Variants in DCLRE1A observed in about 807,000 individuals in gnomAD.
DCLRE1A encodes DNA cross-link repair 1A.
In DCLRE1A, 64 loss-of-function variants were observed where a neutral mutation model predicts 91.9. The ratio of observed to expected loss-of-function variants is 0.70; its 90% CI spans 0.57 to 0.86. The LOEUF (loss-of-function observed/expected upper bound fraction) is 0.86, where lower values mean the gene tolerates loss of function less well. Ranked by LOEUF, DCLRE1A falls within the 40% of genes least tolerant of loss-of-function variation. The pLI is 0.00. For missense variants in DCLRE1A, 1,145 were observed against 1,213.3 expected (o/e 0.94, Z 0.84); for synonymous variants, 416 against 431.1 (o/e 0.96, Z 0.43).
chr10:113,836,870 T>C (rs924859530), intron 8 of DCLRE1A, among the ~76,000 whole-genome samples, 192 bp downstream of exon 8: 5 of 152,122 alleles, frequency 3.3e-5, no homozygotes, highest in Non-Finnish European at 7.3e-5. Context: ...TTAATGTCTA[T>C]CTACTAGTCA....
chr10:113,845,869 T>C, intron 3 of DCLRE1A, 66 bp from the exon 4 acceptor site: 1 of 1,267,620 alleles, frequency 7.9e-7, no homozygotes, highest in Non-Finnish European at 1.2e-6. Context: ...CATATCTAGT[T>C]TAGAACCATA....
At chr10:113,840,810 G>A (rs1845434308) in intron 7 of DCLRE1A, among the ~76,000 whole-genome samples, 1 of 152,124 alleles carries the variant, frequency 6.6e-6, no homozygotes, top group African/African-American at 2.4e-5. Context: ...ATTGCCAGGT[G>A]TCAAAATGTT....
In DCLRE1A at chr10:113,845,632, T is replaced by C. The variant is rs1564843510; in HGVS notation, c.2378+53A>G. On this transcript the variant is annotated intron_variant, in intron 4 of 8. Transcript: ENST00000361384. ...AAAAGTTATTAATCATGCCAATGTG[T>C]TGTCCTTTTGAACATTTAAAAAATG... The C allele has an allele frequency of 7.6e-5, 102 of 1,338,306 alleles. 2 individuals are homozygous for C. In the South Asian group the frequency reaches 1.2e-3, roughly 15 times the overall value. The allele number at this position is 1,338,306 out of a possible 1,614,324, so 82.9% of individuals were successfully genotyped here. A position where few individuals can be genotyped will look rare whatever the true frequency, so the allele number is the denominator to read the frequency against.
rs374101554 is a variant in DCLRE1A at position 113,852,036 on chromosome 10, CATA to C, written c.460+684_460+686del. On this transcript the variant is annotated intron_variant, in intron 1 of 8. Coordinates refer to ENST00000361384, the MANE Select transcript of DCLRE1A (RefSeq NM_014881.5). ...CTATTTATAATTTTCTATGGAGTTC[CATA>C]ATAACCACCAACTGGGGCCGGGCGC... is the stretch of plus-strand genomic sequence containing the variant. 2.4e-3 allele frequency among the ~76,000 whole-genome samples: 365 copies of C among 152,244 alleles called. 2 individuals are homozygous for C. Among genetic ancestry groups the C allele is most frequent in the African/African-American group, 8.4e-3 (350 of 41,576 alleles).
At chr10:113,854,322 T>C (rs1845712377), upstream of DCLRE1A, 1 of 152,260 alleles carries the variant, frequency 6.6e-6, no homozygotes, top group African/African-American at 2.4e-5. Context: ...TTACAAAGCC[T>C]TCTCTCTGGA....
At chr10:113,847,384 C>T in intron 2 of DCLRE1A, 49 bp from the exon 3 acceptor site, 1 of 1,597,320 alleles carries the variant, frequency 6.3e-7, no homozygotes, top group Non-Finnish European at 8.5e-7. Context: ...CTAAGATACC[C>T]AATTTGATTA....
rs768714031 is a variant in DCLRE1A at position 113,850,400 on chromosome 10, A to T, written c.705T>A (p.Phe235Leu). ...CTTCAGTCAGAGACGGAGACTTTTTAAAATACTGTGTCATCAATAAGGGAT... is the reference window on the plus strand; with the variant it reads ...CTTCAGTCAGAGACGGAGACTTTTTTAAATACTGTGTCATCAATAAGGGAT... ...SNDPLLMTQY[F>L]KKSPSLTEAS... Residue 235 changes from phenylalanine to leucine, a missense_variant, in exon 2 of 9, where the codon TTT becomes TTA. Coordinates refer to ENST00000361384, the MANE Select transcript of DCLRE1A (RefSeq NM_014881.5). 1.3e-5 allele frequency: 21 copies of T among 1,614,130 alleles called. No individual in the cohort carries two copies. Among genetic ancestry groups the T allele is most frequent in the African/African-American group, 4.0e-5 (3 of 74,944 alleles).
intron 4 of DCLRE1A, among the ~76,000 whole-genome samples, chr10:113,845,347 A>T (rs2134659806): frequency 6.6e-6 from 1 of 152,332 alleles, no homozygotes; most frequent in East Asian, 1.9e-4. Context: ...AATTTATGTA[A>T]ATGATAAATG....
Position 113,844,123 on chromosome 10 carries a change from T to C in DCLRE1A, c.2500A>G (p.Met834Val). Reference protein sequence around the residue: ...RSLLADQKVHMLYLDTTYCSP... With the variant: ...RSLLADQKVHVLYLDTTYCSP... ...TCTTACGTGGTATCTAAGTACAGCA[T>C]ATGGACTTTCTGGTCCGCAAGAAGA... Residue 834 changes from methionine (M) to valine (V), a missense_variant, in exon 5 of 9, where the codon ATG becomes GTG. Physicochemically the swap from Met to Val is conservative, Grantham distance 21. Transcript: ENST00000361384. The C allele has an allele frequency of 1.2e-6, 2 of 1,614,168 alleles. No homozygotes were observed. Among genetic ancestry groups the C allele is most frequent in the South Asian group, 1.1e-5 (1 of 91,084 alleles).
In DCLRE1A at chr10:113,849,144, T is replaced by C; in HGVS notation, c.1961A>G (p.Asp654Gly). ...LQEGACQKRS[D>G]HLINTESEAV... ...TTCAGATTCTGTATTAATAAGGTGA[T>C]CTGATCTCTTCTGACACGCTCCTTC... The change falls in exon 2 of 9, where the codon GAT becomes GGT. Residue 654 changes from aspartate to glycine, a missense_variant. Coordinates refer to ENST00000361384, the MANE Select transcript of DCLRE1A (RefSeq NM_014881.5). 1 of 1,614,138 alleles carries C rather than the reference T, an allele frequency of 6.2e-7. No individual in the cohort carries two copies. Among genetic ancestry groups the C allele is most frequent in the Non-Finnish European group, 8.5e-7 (1 of 1,180,014 alleles).
intron 3 of DCLRE1A, among the ~76,000 whole-genome samples, chr10:113,846,701 T>A (rs929507305): frequency 9.9e-5 from 15 of 152,246 alleles, no homozygotes; most frequent in African/African-American, 3.6e-4. Flanking sequence ...AGTATTTGCA[T>A]ATAACCTATG....
chr10:113,842,327 T>A lies in DCLRE1A; in HGVS notation c.2665+16A>T. The A allele has an allele frequency of 6.2e-7, 1 of 1,600,338 alleles. No homozygotes were observed. Among genetic ancestry groups the A allele is most frequent in the South Asian group, 1.1e-5 (1 of 88,598 alleles). On this transcript the variant is annotated intron_variant, in intron 6 of 8. Transcript: ENST00000361384. ...TTATAATATATTAATGTAAATTAGA[T>A]ACACCTACAACTCACCTAGGAAGAC...
intron 8 of DCLRE1A, among the ~76,000 whole-genome samples, chr10:113,835,616 G>A (rs978648592): frequency 6.6e-6 from 1 of 152,108 alleles, no homozygotes; most frequent in African/African-American, 2.4e-5. Flanking sequence ...CATGGGGGCA[G>A]ATCTGCCCCT....
intron 5 of DCLRE1A, 94 bp from the exon 6 acceptor site, chr10:113,842,582 T>G (rs1845463404): frequency 8.3e-7 from 1 of 1,201,614 alleles, no homozygotes; most frequent in Non-Finnish European, 1.2e-6. Flanking sequence ...GTTAGCAACT[T>G]ACATACAACA....
At chr10:113,848,937 CG>C (rs1246350787) in intron 2 of DCLRE1A, 42 bp downstream of exon 2, 2 of 1,549,384 alleles carry the variant, frequency 1.3e-6, no homozygotes, top group Non-Finnish European at 1.7e-6. Flanking sequence ...AGTTCAAAAA[CG>C]TTGTCTTTGT....
At chr10:113,843,681 T>C (rs927412016) in intron 5 of DCLRE1A, among the ~76,000 whole-genome samples, 1 of 152,238 alleles carries the variant, frequency 6.6e-6, no homozygotes, top group African/African-American at 2.4e-5. Flanking sequence ...TTCAAAACTG[T>C]CACTTATAAA....
Position 113,852,704 on chromosome 10 carries a change from A to G in DCLRE1A, c.460+19T>C, listed in dbSNP as rs1220253039. The stretch of plus-strand genomic sequence containing the variant: ...CTTTTTAGATTATTTAGAAACTACT[A>G]CGTTTTCTGCAGTCTTACCTGTTTC... On this transcript the variant is annotated intron_variant, in intron 1 of 8. Transcript: ENST00000361384. 3 of 1,594,342 alleles carry G rather than the reference A, an allele frequency of 1.9e-6. No individual in the cohort carries two copies. In the East Asian group the frequency reaches 6.7e-5, roughly 36 times the overall value.
chr10:113,848,800 C>CA (rs544636314), intron 2 of DCLRE1A, among the ~76,000 whole-genome samples, 180 bp downstream of exon 2: 1 of 151,104 alleles, frequency 6.6e-6, no homozygotes, highest in East Asian at 1.9e-4. Context: ...TTGAATGGAG[C>CA]AAAAAAAATC....
Position 113,848,991 on chromosome 10 carries a change from T to C in DCLRE1A, c.2114A>G (p.Lys705Arg). The change falls in exon 2 of 9, where the codon AAG becomes AGG. Residue 705 changes from lysine (K) to arginine (R), a missense_variant. Lys to Arg is a conservative substitution (Grantham distance 26). Coordinates refer to ENST00000361384, the MANE Select transcript of DCLRE1A (RefSeq NM_014881.5). ...GSRKKTCPFY[K>R]KIPGTGFTVD... ...ACATTTCAACTTACCAGGTATTTTC[T>C]TATAGAATGGACATGTCTTTTTTCT... is the stretch of plus-strand genomic sequence containing the variant. 1 of 1,610,996 alleles carries C rather than the reference T, an allele frequency of 6.2e-7. No individual in the cohort carries two copies. Among genetic ancestry groups the C allele is most frequent in the Non-Finnish European group, 8.5e-7 (1 of 1,178,860 alleles).
Sources: allele counts gnomAD v4.1 joint callset (sites outside exome capture counted in the v4.1 genomes callset), GRCh38; gene constraint gnomAD v4.1.1; transcripts MANE v1.5; gene names NCBI Gene and HGNC (gene_info 2026-07-23, HGNC 2026-07-21).